The following CRYBG3 variants were observed in gnomAD, a reference collection of about 807,000 sequenced individuals.
The protein encoded by CRYBG3 is very large A-kinase anchor protein.
A neutral mutation model predicts 244.2 loss-of-function variants in CRYBG3; 127 were observed. That is an observed-to-expected ratio of 0.52 (90% CI 0.45 to 0.60). The LOEUF (loss-of-function observed/expected upper bound fraction) is 0.60. CRYBG3 is among the 20% of genes least tolerant of loss of function. The probability of loss-of-function intolerance (pLI) is 0.00; values close to 1 mark genes in which losing one functional copy is unlikely to be tolerated. For synonymous variants in CRYBG3, 1,132 were observed against 1,195.8 expected, an observed-to-expected ratio of 0.95 and a Z score of 1.10; for missense variants, 3,325 against 3,442.5, an observed-to-expected ratio of 0.97 and a Z score of 0.85.
intron 18 of CRYBG3, among the ~76,000 whole-genome samples, chr3:97,935,526 C>A (rs1007690528): frequency 5.3e-5 from 8 of 152,000 alleles, no homozygotes; most frequent in African/African-American, 1.9e-4. Flanking sequence ...TCATCCCTAC[C>A]CAAGCTTTCA....
chr3:97,940,851 ATTCTTT>A (rs1331434952), intron 19 of CRYBG3, among the ~76,000 whole-genome samples: 1 of 151,932 alleles, frequency 6.6e-6, no homozygotes, highest in African/African-American at 2.4e-5. Context: ...CAAGTCCCTA[ATTCTTT>A]ACCACCCCAC....
rs150031707 is a variant in CRYBG3 at position 97,911,960 on chromosome 3, A to G, written c.8005-207A>G. ...AGAGGCAAGAAAATGGTAAACAAAC[A>G]GTGACATTCCATTCCTGAATACATG... On this transcript the variant is annotated intron_variant, in intron 15 of 21. Transcript: ENST00000389622. Among the ~76,000 whole-genome samples the G allele has an allele frequency of 3.0e-3, 453 of 152,328 alleles. 2 individuals carry two copies. The highest frequency in any genetic ancestry group is 3.9e-3 in the Non-Finnish European group (262 of 68,030).
In CRYBG3 at chr3:97,877,231, T is replaced by A; in HGVS notation, c.6037T>A (p.Tyr2013Asn). Residue 2013 changes from tyrosine to asparagine, a missense_variant, in exon 4 of 22, where the codon TAT becomes AAT. Physicochemically the swap from Tyr to Asn is moderately radical, Grantham distance 143. Around this residue, in one of 4 missense-constraint regions of CRYBG3, gnomAD observed 450 missense variants for 424.1 expected, o/e 1.06. Transcript: ENST00000389622. ...AGAGCCCCTTCAAGAGGAGGACAAGTATGCTTCCGCAGAAGCAAGACAAAC... is the reference window on the plus strand; with the variant it reads ...AGAGCCCCTTCAAGAGGAGGACAAGAATGCTTCCGCAGAAGCAAGACAAAC... Reference protein sequence around the residue: ...YEEPLQEEDKYASAEARQTQS... With the variant: ...YEEPLQEEDKNASAEARQTQS... 1 of 1,613,710 alleles carries A rather than the reference T, an allele frequency of 6.2e-7. No homozygotes were observed. The highest frequency in any genetic ancestry group is 1.1e-5 in the South Asian group (1 of 91,074).
chr3:97,889,167 A>G (rs959973776), intron 9 of CRYBG3, among the ~76,000 whole-genome samples, 188 bp from the exon 10 acceptor site: 1 of 152,190 alleles, frequency 6.6e-6, no homozygotes, highest in African/African-American at 2.4e-5. Context: ...GAGGAACACT[A>G]TAACTTGGTT....
intron 19 of CRYBG3, among the ~76,000 whole-genome samples, chr3:97,939,586 T>C (rs1289137833): frequency 6.6e-6 from 1 of 152,000 alleles, no homozygotes; most frequent in African/African-American, 2.4e-5. Flanking sequence ...CTTGCCTGAG[T>C]TAATTGATTA....
At chr3:97,910,952 A>C (rs1262828704) in intron 15 of CRYBG3, among the ~76,000 whole-genome samples, 1 of 152,226 alleles carries the variant, frequency 6.6e-6, no homozygotes, top group Non-Finnish European at 1.5e-5. Flanking sequence ...GGACTACAGC[A>C]GAAACTTGCT....
intron 21 of CRYBG3, 179 bp from the exon 22 acceptor site, chr3:97,943,047 T>C: frequency 1.8e-6 from 1 of 568,838 alleles, no homozygotes; most frequent in South Asian, 2.3e-5. Flanking sequence ...CATAATAAGG[T>C]CCAATTTGAG....
chr3:97,857,235 C>G (rs2039078393), intron 2 of CRYBG3, among the ~76,000 whole-genome samples: 1 of 151,902 alleles, frequency 6.6e-6, no homozygotes, highest in African/African-American at 2.4e-5. Flanking sequence ...CAAAAAAATA[C>G]TTCGTATGAT....
intron 2 of CRYBG3, among the ~76,000 whole-genome samples, chr3:97,845,349 T>G (rs972870877): frequency 1.4e-4 from 22 of 152,188 alleles, no homozygotes; most frequent in African/African-American, 5.3e-4. Context: ...AGAGATTATA[T>G]TTTATATTAA....
At chr3:97,888,261 A>T in intron 8 of CRYBG3, 80 bp from the exon 9 acceptor site, 2 of 811,598 alleles carry the variant, frequency 2.5e-6, no homozygotes, top group Admixed American at 5.3e-5. Context: ...TTGTTTTTTT[A>T]TTTTGGTAGC....
At chr3:97,896,391 T>C (rs1040471971) in intron 12 of CRYBG3, among the ~76,000 whole-genome samples, 15 of 152,196 alleles carry the variant, frequency 9.9e-5, no homozygotes, top group Non-Finnish European at 1.0e-4. Context: ...ATAGCACTTA[T>C]ATAAATGTTT....
At position 97,898,866 on chromosome 3, in the gene CRYBG3, CCT is replaced by C. The variant is rs1403144559; in HGVS notation, c.7702-14_7702-13del. 1.9e-6 allele frequency: 3 copies of C among 1,555,986 alleles called. No homozygotes were observed. Among genetic ancestry groups the C allele is most frequent in the Non-Finnish European group, 2.6e-6 (3 of 1,146,532 alleles). ...GAATATGTATGTTTTCCTAAACTTT[CCT>C]CTTTCTCCTTTTAGAATTTTATAGA... On this transcript the variant is annotated splice_polypyrimidine_tract_variant and intron_variant, in intron 12 of 21. Coordinates refer to ENST00000389622, the MANE Select transcript of CRYBG3 (RefSeq NM_153605.4).
Position 97,875,534 on chromosome 3 carries a change from G to T in CRYBG3, c.4340G>T (p.Ser1447Ile), listed in dbSNP as rs575832158. ...AGGGTAAAAACACATTTATTTCGCA[G>T]TGAGGACTGTAATGAGACAATGGAA... ...DDRVKTHLFR[S>I]EDCNETMEIE... The change falls in exon 4 of 22, where the codon AGT becomes ATT. Residue 1447 changes from serine (S) to isoleucine (I), a missense_variant. By Grantham distance (142) the Ser-to-Ile change is moderately radical. This residue lies in a region of CRYBG3 where 635 missense variants were observed against 771.7 expected (regional missense o/e 0.82). Coordinates refer to ENST00000389622, the MANE Select transcript of CRYBG3 (RefSeq NM_153605.4). 1.6e-5 allele frequency: 20 copies of T among 1,264,116 alleles called. No individual in the cohort carries two copies. Among genetic ancestry groups the T allele is most frequent in the Middle Eastern group, 3.0e-4 (1 of 3,328 alleles). 78.3% of individuals were successfully genotyped at this position (1,264,116 alleles called of 1,614,324 possible).
At chr3:97,914,769 C>G (rs2039909178) in intron 16 of CRYBG3, among the ~76,000 whole-genome samples, 1 of 152,168 alleles carries the variant, frequency 6.6e-6, no homozygotes. Context: ...GAAGACATGA[C>G]AGTAAATTAT....
At chr3:97,879,209 C>T (rs1330072537) in intron 4 of CRYBG3, among the ~76,000 whole-genome samples, 3 of 152,190 alleles carry the variant, frequency 2.0e-5, no homozygotes, top group Non-Finnish European at 2.9e-5. Context: ...GGTGCACACT[C>T]TGTGTTTCCT....
In CRYBG3 at chr3:97,877,416, G is replaced by A; in HGVS notation, c.6222G>A (p.Glu2074=). Residue 2074 remains glutamate (E), a synonymous_variant, in exon 4 of 22, where the codon GAG becomes GAA. Coordinates refer to ENST00000389622, the MANE Select transcript of CRYBG3 (RefSeq NM_153605.4). The part of the protein sequence containing the change: ...SDSSEMFLSV[E]AKRYKIYPLA... ...GTTCAGAAATGTTCTTATCAGTGGA[G>A]GCCAAAAGGTACAAAATTTATCCTT... 1 of 1,614,090 alleles carries A rather than the reference G, an allele frequency of 6.2e-7. No homozygotes were observed.
intron 1 of CRYBG3, among the ~76,000 whole-genome samples, chr3:97,842,896 A>T (rs2038842682): frequency 6.6e-6 from 1 of 152,200 alleles, no homozygotes; most frequent in Non-Finnish European, 1.5e-5. Context: ...TGCCAGTGTT[A>T]TGAAAGTAAT....
chr3:97,924,628 CA>C (rs1227883664), intron 17 of CRYBG3, among the ~76,000 whole-genome samples: 1 of 152,124 alleles, frequency 6.6e-6, no homozygotes, highest in East Asian at 1.9e-4. Flanking sequence ...TAGAGGCCAC[CA>C]GCATTCCTTA....
intron 7 of CRYBG3, among the ~76,000 whole-genome samples, chr3:97,884,142 A>G (rs773446704): frequency 1.3e-5 from 2 of 152,314 alleles, no homozygotes; most frequent in Middle Eastern, 3.4e-3. Flanking sequence ...CTCTATTATT[A>G]ATAGCATACA....
Sources: gnomAD v4.1 joint callset for allele counts (sites outside exome capture counted in the v4.1 genomes callset) on GRCh38, gnomAD v4.1.1 for gene constraint, gnomAD v4.1.1 regional missense constraint, MANE v1.5 for transcripts, NCBI Gene and HGNC (gene_info 2026-07-23, HGNC 2026-07-21) for gene names.